The following PHACTR2 variants were observed in gnomAD, a reference collection of about 807,000 sequenced individuals.
PHACTR2 encodes the protein phosphatase and actin regulator 2.
A neutral mutation model predicts 76.0 loss-of-function variants in PHACTR2; 30 were observed. That is an observed-to-expected ratio of 0.39 (90% CI 0.30 to 0.54). The LOEUF is 0.54. PHACTR2 is among the 20% of genes least tolerant of loss of function. The pLI, the probability that PHACTR2 is intolerant of heterozygous loss-of-function variation, is 0.61. For synonymous variants in PHACTR2, 292 were observed against 292.5 expected (o/e 1.00, Z 0.02); for missense variants, 696 against 781.1 (o/e 0.89, Z 1.30).
In PHACTR2 at chr6:143,764,289, A is replaced by T. The variant is rs1779504199; in HGVS notation, c.695-972A>T. ...AAGCCTCTCACTTTGGGAGGCTGAG[A>T]TGGGTGAATCCCTTGAGCCCAGGAG... is the stretch of plus-strand genomic sequence containing the variant. On this transcript the variant is annotated intron_variant, in intron 5 of 12. Coordinates refer to ENST00000440869, the MANE Select transcript of PHACTR2 (RefSeq NM_001100164.2). The surrounding 1 kb of genome is among the most constrained non-coding windows in gnomAD (Gnocchi z 4.7). Among the ~76,000 whole-genome samples, 1 of 152,120 alleles carries T rather than the reference A, an allele frequency of 6.6e-6. No homozygotes were observed. Among genetic ancestry groups the T allele is most frequent in the South Asian group, 2.1e-4 (1 of 4,816 alleles).
At chr6:143,620,241 A>C (rs1776129056) in intron 1 of PHACTR2, among the ~76,000 whole-genome samples, 1 of 152,112 alleles carries the variant, frequency 6.6e-6, no homozygotes, top group Non-Finnish European at 1.5e-5. Flanking sequence ...CACAGCCCTA[A>C]TGCTCCATAA....
rs773362768 is a variant in PHACTR2 at position 143,730,809 on chromosome 6, G to T, written c.215-18176G>T. Among the ~76,000 whole-genome samples, 1 of 151,800 alleles carries T rather than the reference G, an allele frequency of 6.6e-6. No homozygotes were observed. Among genetic ancestry groups the T allele is most frequent in the Non-Finnish European group, 1.5e-5 (1 of 67,910 alleles). ...GTGGCCCAGGCTGGAGTGCAGTGGC[G>T]CGATCTCGGCTCACTGTAACCTCCG... On this transcript the variant is annotated intron_variant, in intron 2 of 12. Transcript: ENST00000440869. This position sits in a 1 kb window ranked among gnomAD's most constrained non-coding sequence, Gnocchi z 4.8.
At position 143,773,303 on chromosome 6, in the gene PHACTR2, AAAT is replaced by A. The variant is rs565235908; in HGVS notation, c.1433-748_1433-746del. On this transcript the variant is annotated intron_variant, in intron 7 of 12. Transcript: ENST00000440869. Reference sequence around the variant, plus strand: ...TAAGTAAGATAGTAGGCCTTCTAGGAAATAATAATATCATTTATGTATTAAAAA... The same window carrying A: ...TAAGTAAGATAGTAGGCCTTCTAGGAAATAATATCATTTATGTATTAAAAA... Among the ~76,000 whole-genome samples, 11 of 152,302 alleles carry A rather than the reference AAAT, an allele frequency of 7.2e-5. No individual in the cohort carries two copies. The South Asian group carries it at 2.3e-3, about 32-fold the overall frequency.
chr6:143,809,718 A>G lies in PHACTR2; in HGVS notation c.1922+2585A>G, dbSNP rs1264596337. On this transcript the variant is annotated intron_variant, in intron 12 of 12. Coordinates refer to ENST00000440869, the MANE Select transcript of PHACTR2 (RefSeq NM_001100164.2). This position sits in a 1 kb window ranked among gnomAD's most constrained non-coding sequence, Gnocchi z 4.2. ...TTTATAAATGTGTGTATGTGTGTAT[A>G]TATATATATATATTAAATATGTGTA... Among the ~76,000 whole-genome samples the G allele has an allele frequency of 4.0e-5, 6 of 151,264 alleles. No individual in the cohort carries two copies. In the East Asian group the frequency reaches 7.7e-4, roughly 19 times the overall value.
intron 1 of PHACTR2, among the ~76,000 whole-genome samples, chr6:143,632,648 T>C (rs1423210780): frequency 1.3e-5 from 2 of 152,352 alleles, no homozygotes; most frequent in East Asian, 3.9e-4. Flanking sequence ...TTGTACATTT[T>C]ATGGATTTTG....
chr6:143,798,575 C>T (rs555268815), intron 11 of PHACTR2, among the ~76,000 whole-genome samples: 2 of 151,900 alleles, frequency 1.3e-5, no homozygotes, highest in Non-Finnish European at 2.9e-5. Flanking sequence ...TACGTTCCAT[C>T]GATACCTAGT....
rs1470894363 is a variant in PHACTR2 at position 143,712,122 on chromosome 6, C to T, written c.153C>T (p.Ile51=). 6.3e-7 allele frequency: 1 copy of T among 1,584,246 alleles called. No homozygotes were observed. Among genetic ancestry groups the T allele is most frequent in the Non-Finnish European group, 8.6e-7 (1 of 1,168,870 alleles). Residue 51 remains isoleucine, a synonymous_variant, in exon 2 of 13, where the codon ATC becomes ATT. Transcript: ENST00000440869. The part of the protein sequence containing the change: ...RKGKLSTIGK[I]FKPWKWRKKK... ...GGAAACTATCCACCATTGGTAAAAT[C>T]TTTAAGCCTTGGAAATGGAGGAAAA...
rs1775245534 is a variant in PHACTR2 at position 143,775,251 on chromosome 6, C to T, written c.1589+1036C>T. On this transcript the variant is annotated intron_variant, in intron 8 of 12. Transcript: ENST00000440869. This position sits in a 1 kb window ranked among gnomAD's most constrained non-coding sequence, Gnocchi z 4.4. ...AGGAAAAGCACAGCCTACCAGGGAA[C>T]CTCGGGGGAGGCTTAGAGGGTCTCT... Among the ~76,000 whole-genome samples the T allele has an allele frequency of 6.6e-6, 1 of 152,172 alleles. No individual in the cohort carries two copies. The highest frequency in any genetic ancestry group is 2.4e-5 in the African/African-American group (1 of 41,446).
chr6:143,814,654 G>C (rs915836919), intron 12 of PHACTR2, among the ~76,000 whole-genome samples: 4 of 139,844 alleles, frequency 2.9e-5, no homozygotes, highest in Non-Finnish European at 4.7e-5. Context: ...CCAGGCTGGA[G>C]TGCAGTGGCG....
At chr6:143,728,216 C>CTTT (rs548709835) in intron 2 of PHACTR2, among the ~76,000 whole-genome samples, 172 of 83,642 alleles carry the variant, frequency 2.1e-3, no homozygotes, top group Middle Eastern at 8.1e-3. Flanking sequence ...TTTTTTCTTT[C>CTTT]TTTTTTTTTT....
rs1484294256 is a variant in PHACTR2 at position 143,711,086 on chromosome 6, T to C, written c.47-930T>C. On this transcript the variant is annotated intron_variant, in intron 1 of 12. Transcript: ENST00000440869. Reference sequence around the variant, plus strand: ...GCAAAAAATTGTAAATACCATTTGATGAGTTTTGGGTAATCCAACCATCGT... The same window carrying C: ...GCAAAAAATTGTAAATACCATTTGACGAGTTTTGGGTAATCCAACCATCGT... 5.8e-6 allele frequency: 3 copies of C among 516,386 alleles called. No homozygotes were observed. The Admixed American group carries it at 5.9e-5, about 10-fold the overall frequency. 32.0% of individuals were successfully genotyped at this position (516,386 alleles called of 1,614,324 possible). A position where few individuals can be genotyped will look rare whatever the true frequency, so the allele number is the denominator to read the frequency against.
chr6:143,773,381 GA>G (rs1486744817), intron 7 of PHACTR2, among the ~76,000 whole-genome samples: 1 of 152,070 alleles, frequency 6.6e-6, no homozygotes, highest in African/African-American at 2.4e-5. Flanking sequence ...ATAACTTAGA[GA>G]TATGGAAAGT....
chr6:143,589,003 C>A lies in PHACTR2; in HGVS notation c.217+51796C>A, dbSNP rs76448654. Among the ~76,000 whole-genome samples, 9,295 of 152,278 alleles carry A rather than the reference C, an allele frequency of 0.061. 336 individuals are homozygous for A. Among genetic ancestry groups the A allele is most frequent in the South Asian group, 0.1 (481 of 4,822 alleles). ...TGAGTTCAATTCAACCTTCAAGGAA[C>A]AAATCACTCTCATCGTATGAGTTTG... On this transcript the variant is annotated intron_variant, in intron 1 of 11. Coordinates refer to the PHACTR2 transcript ENST00000367584. This position sits in a 1 kb window ranked among gnomAD's most constrained non-coding sequence, Gnocchi z 4.4.
Position 143,772,235 on chromosome 6 carries a change from C to T in PHACTR2, c.1233-23C>T. On this transcript the variant is annotated intron_variant, in intron 6 of 12. Transcript: ENST00000440869. This position sits in a 1 kb window ranked among gnomAD's most constrained non-coding sequence, Gnocchi z 5.4. ...GGTTGCTCTGAGCTTCACATCACTC[C>T]CATGCTTTTCTGCCTTTAACAGTTT... is the stretch of plus-strand genomic sequence containing the variant. 1.3e-6 allele frequency: 2 copies of T among 1,584,684 alleles called. No individual in the cohort carries two copies. The highest frequency in any genetic ancestry group is 1.7e-6 in the Non-Finnish European group (2 of 1,153,420).
rs1776873948 is a variant in PHACTR2, at chr6:143,657,730, G to T, written c.13+49408G>T. Among the ~76,000 whole-genome samples, 2 of 152,200 alleles carry T rather than the reference G, an allele frequency of 1.3e-5. 1 individual carries two copies. Among genetic ancestry groups the T allele is most frequent in the Admixed American group, 1.3e-4 (2 of 15,284 alleles). ...TCAGTGCATCCCAGTGGGGGTACTG[G>T]CGTGAGATTGTCTGTCAGTTATCTC... is the stretch of plus-strand genomic sequence containing the variant. On this transcript the variant is annotated intron_variant, in intron 1 of 11. Coordinates refer to the PHACTR2 transcript ENST00000305766.
chr6:143,593,457 A>G (rs1185654877), intron 1 of PHACTR2, among the ~76,000 whole-genome samples: 1 of 152,224 alleles, frequency 6.6e-6, no homozygotes, highest in East Asian at 1.9e-4. Context: ...TCAAATAGTT[A>G]CAGAAGAGAC....
chr6:143,814,837 C>A (rs567938006), intron 12 of PHACTR2, among the ~76,000 whole-genome samples: 3 of 152,000 alleles, frequency 2.0e-5, no homozygotes, highest in African/African-American at 7.2e-5. Context: ...CTGCTGACCT[C>A]GTGATCCGCC....
chr6:143,587,846 T>C (rs1775645344), intron 1 of PHACTR2, among the ~76,000 whole-genome samples: 2 of 151,844 alleles, frequency 1.3e-5, no homozygotes, highest in Non-Finnish European at 2.9e-5. Context: ...AAACCCCGTC[T>C]CTACTAAAAA....
At chr6:143,676,981 A>G (rs1777260916), upstream of PHACTR2, among the ~76,000 whole-genome samples, 2 of 146,872 alleles carry the variant, frequency 1.4e-5, no homozygotes, top group Non-Finnish European at 2.9e-5. The surrounding 1 kb of genome is among the most constrained non-coding windows in gnomAD (Gnocchi z 4.8). Flanking sequence ...AATGATTTTC[A>G]TGTTAGTTCA....
Sources: gnomAD v4.1 joint callset for allele counts (sites outside exome capture counted in the v4.1 genomes callset) on GRCh38, gnomAD v4.1.1 for gene constraint, Gnocchi (gnomAD v3.1) non-coding constraint, MANE v1.5 for transcripts, NCBI Gene and HGNC (gene_info 2026-07-23, HGNC 2026-07-21) for gene names.